Variants in SUGCT observed in about 807,000 individuals in gnomAD.
The protein encoded by SUGCT is succinyl-CoA:glutarate CoA-transferase.
SUGCT carries 41 observed loss-of-function variants against 55.0 expected under a neutral mutation model. The ratio of observed to expected loss-of-function variants is 0.74; its 90% CI spans 0.58 to 0.97. The LOEUF (loss-of-function observed/expected upper bound fraction) is 0.97, where lower values mean the gene tolerates loss of function less well. Ranked by LOEUF, SUGCT falls within the 50% of genes least tolerant of loss-of-function variation. SUGCT has a pLI of 0.00. For missense variants in SUGCT, 568 were observed against 547.8 expected, an observed-to-expected ratio of 1.04 and a Z score of -0.37; for synonymous variants, 187 against 200.4, an observed-to-expected ratio of 0.93 and a Z score of 0.56.
chr7:40,503,399 T>C (rs1792404115), intron 12 of SUGCT, among the ~76,000 whole-genome samples: 1 of 152,116 alleles, frequency 6.6e-6, no homozygotes, highest in Non-Finnish European at 1.5e-5. Flanking sequence ...ATTTTGTATG[T>C]TTAAATATAA....
At chr7:40,828,409 A>G (rs768610924) in intron 13 of SUGCT, among the ~76,000 whole-genome samples, 6 of 152,110 alleles carry the variant, frequency 3.9e-5, no homozygotes, top group Non-Finnish European at 7.4e-5. Context: ...CTTTCTCTCC[A>G]ATAGCTTTGC....
At chr7:40,452,747 T>C (rs1789259074) in intron 10 of SUGCT, among the ~76,000 whole-genome samples, 1 of 152,186 alleles carries the variant, frequency 6.6e-6, no homozygotes, top group Non-Finnish European at 1.5e-5. Flanking sequence ...GCCTTGCTCA[T>C]GTGCACTTAA....
the SUGCT span, among the ~76,000 whole-genome samples, chr7:41,010,462 G>A: frequency 6.6e-6 from 1 of 152,234 alleles, no homozygotes; most frequent in Non-Finnish European, 1.5e-5. Flanking sequence ...GAGAATGGAA[G>A]GTAGGAACTT....
intron 9 of SUGCT, among the ~76,000 whole-genome samples, chr7:40,413,864 G>C (rs1482775300): frequency 6.6e-6 from 1 of 152,052 alleles, no homozygotes; most frequent in Non-Finnish European, 1.5e-5. Context: ...ATGAATTACA[G>C]TTTTCTTTAT....
chr7:40,502,864 CTT>C (rs1792365479), intron 12 of SUGCT, among the ~76,000 whole-genome samples: 1 of 152,050 alleles, frequency 6.6e-6, no homozygotes, highest in South Asian at 2.1e-4. Flanking sequence ...TAATTTTAGA[CTT>C]AATATCATCA....
intron 6 of SUGCT, among the ~76,000 whole-genome samples, chr7:40,231,151 C>T (rs1490382654): frequency 1.3e-5 from 2 of 152,160 alleles, no homozygotes; most frequent in African/African-American, 2.4e-5. Flanking sequence ...AACTCAGTTG[C>T]CAGGAGTCCT....
chr7:40,686,014 C>T (rs930321929), intron 12 of SUGCT, among the ~76,000 whole-genome samples: 22 of 152,292 alleles, frequency 1.4e-4, no homozygotes, highest in African/African-American at 5.3e-4. Flanking sequence ...TATTTTATAG[C>T]TCATCTATCC....
chr7:40,751,696 C>G (rs969524237), intron 13 of SUGCT, among the ~76,000 whole-genome samples: 19 of 152,154 alleles, frequency 1.2e-4, no homozygotes, highest in Non-Finnish European at 2.4e-4. Flanking sequence ...CCTTGGAAGT[C>G]TGGGCCCTGA....
intron 9 of SUGCT, among the ~76,000 whole-genome samples, chr7:40,333,694 TATATATATAA>T (rs1463914295): frequency 1.2e-4 from 15 of 121,252 alleles, no homozygotes; most frequent in Middle Eastern, 4.5e-3. Flanking sequence ...TATATATATA[TATATATATAA>T]ATATTTATAA....
chr7:40,263,160 G>A (rs1226439528), intron 7 of SUGCT, among the ~76,000 whole-genome samples: 3 of 152,164 alleles, frequency 2.0e-5, no homozygotes, highest in Non-Finnish European at 4.4e-5. Flanking sequence ...GACTTTAAGT[G>A]ATCTGCCCAC....
chr7:40,401,376 G>A (rs1786058706), intron 9 of SUGCT, among the ~76,000 whole-genome samples: 1 of 152,146 alleles, frequency 6.6e-6, no homozygotes, highest in Non-Finnish European at 1.5e-5. Context: ...TTCAGAGAAG[G>A]GCTCTGCCCT....
chr7:40,195,089 A>C, intron 6 of SUGCT, 29 bp downstream of exon 6: 1 of 1,577,954 alleles, frequency 6.3e-7, no homozygotes, highest in Non-Finnish European at 8.6e-7. Context: ...CTTGTCAGTT[A>C]AAAGGTTTTC....
At chr7:40,937,780 A>G in the SUGCT span, among the ~76,000 whole-genome samples, 2 of 151,696 alleles carry the variant, frequency 1.3e-5, no homozygotes, top group Non-Finnish European at 2.9e-5. Flanking sequence ...CTTTTAGCCT[A>G]TTTTTGTCTT....
chr7:40,432,415 C>T (rs748467256), intron 9 of SUGCT, among the ~76,000 whole-genome samples: 21 of 152,058 alleles, frequency 1.4e-4, no homozygotes, highest in Admixed American at 4.6e-4. Context: ...TGGCCAGGTG[C>T]GGTGGCTTAC....
chr7:40,985,491 G>C, the SUGCT span, among the ~76,000 whole-genome samples: 1 of 152,072 alleles, frequency 6.6e-6, no homozygotes, highest in South Asian at 2.1e-4. Flanking sequence ...AGTAAATGTG[G>C]GGGAAAAAAA....
the SUGCT span, among the ~76,000 whole-genome samples, chr7:40,934,936 C>G: frequency 6.6e-6 from 1 of 152,168 alleles, no homozygotes; most frequent in African/African-American, 2.4e-5. Context: ...CACCCACTGT[C>G]CAACCAGTCC....
At chr7:40,470,228 C>T (rs1453866576) in intron 11 of SUGCT, among the ~76,000 whole-genome samples, 1 of 152,046 alleles carries the variant, frequency 6.6e-6, no homozygotes, top group East Asian at 1.9e-4. Flanking sequence ...TCATCCCTGT[C>T]CTGCCCAATT....
At chr7:40,558,404 G>C (rs1795668129) in intron 12 of SUGCT, among the ~76,000 whole-genome samples, 1 of 152,168 alleles carries the variant, frequency 6.6e-6, no homozygotes, top group African/African-American at 2.4e-5. Flanking sequence ...ACAAAACATA[G>C]TATACAATGG....
intron 13 of SUGCT, among the ~76,000 whole-genome samples, chr7:40,852,819 G>T (rs571593110): frequency 1.3e-5 from 2 of 151,624 alleles, no homozygotes; most frequent in South Asian, 4.2e-4. Flanking sequence ...TTTTCAACTT[G>T]GTTTTTAATA....
Sources: gnomAD v4.1 joint callset for allele counts (sites outside exome capture counted in the v4.1 genomes callset) on GRCh38, gnomAD v4.1.1 for gene constraint, MANE v1.5 for transcripts, NCBI Gene and HGNC (gene_info 2026-07-23, HGNC 2026-07-21) for gene names.